Variants in PRR16 observed in about 807,000 individuals in gnomAD.
PRR16 encodes proline rich 16, also known as protein Largen.
PRR16 carries 6 observed loss-of-function variants against 18.2 expected under a neutral mutation model. The observed-to-expected ratio is 0.33, with a 90% CI of 0.18 to 0.65. The LOEUF is 0.65. PRR16 is among the 30% of genes least tolerant of loss of function. The pLI is 0.74. For synonymous variants in PRR16, 151 were observed against 147.8 expected (o/e 1.02, Z -0.16); for missense variants, 412 against 376.6 (o/e 1.09, Z -0.78).
chr5:120,673,582 A>G (rs935297301), intron 1 of PRR16, among the ~76,000 whole-genome samples: 2 of 152,180 alleles, frequency 1.3e-5, no homozygotes, highest in African/African-American at 4.8e-5. Context: ...GGAATTTTAT[A>G]TTTAGATATG....
chr5:120,695,914 T>C, the PRR16 span, among the ~76,000 whole-genome samples: 2 of 119,432 alleles, frequency 1.7e-5, no homozygotes, highest in African/African-American at 6.4e-5. Context: ...AAAAATCTTA[T>C]TCCAACATAT....
rs539886057 is a variant in PRR16 at position 120,508,963 on chromosome 5, G to T, written c.159+44318G>T. On this transcript the variant is annotated intron_variant, in intron 1 of 1. Transcript: ENST00000407149. ...TAACCTGTAACTTTTAGTTGGGTGA[G>T]GGGGGGGATAGTAAAGATAATTTGC... 5.9e-5 allele frequency among the ~76,000 whole-genome samples: 9 copies of T among 151,800 alleles called. No homozygotes were observed. The East Asian group carries it at 1.2e-3, about 20-fold the overall frequency.
At chr5:120,568,373 A>G (rs2112730354) in intron 1 of PRR16, among the ~76,000 whole-genome samples, 1 of 152,316 alleles carries the variant, frequency 6.6e-6, no homozygotes, top group Non-Finnish European at 1.5e-5. Flanking sequence ...TTATTACCCC[A>G]TGGAGCAAGA....
chr5:120,762,446 G>A, the PRR16 span, among the ~76,000 whole-genome samples: 21,872 of 151,952 alleles, frequency 0.14, 2,310 homozygotes, highest in African/African-American at 0.3. Flanking sequence ...GTTTTGATTT[G>A]CATTTTTGCA....
chr5:120,668,707 C>T (rs1756484201), intron 1 of PRR16, among the ~76,000 whole-genome samples: 1 of 152,104 alleles, frequency 6.6e-6, no homozygotes. Context: ...TTCTCCTTCA[C>T]TTATGAAGGT....
the PRR16 span, among the ~76,000 whole-genome samples, chr5:120,725,491 C>T: frequency 9.6e-4 from 146 of 151,716 alleles, no homozygotes; most frequent in Admixed American, 2.0e-3. Flanking sequence ...CCTCCATCTC[C>T]GCACAAAATT....
chr5:120,570,141 T>C (rs909643224), intron 1 of PRR16, among the ~76,000 whole-genome samples: 2 of 152,094 alleles, frequency 1.3e-5, no homozygotes, highest in Non-Finnish European at 2.9e-5. Context: ...ATGTGGTTGA[T>C]AAATTACATA....
chr5:120,554,327 T>C (rs1752345561), intron 1 of PRR16, among the ~76,000 whole-genome samples: 1 of 151,942 alleles, frequency 6.6e-6, no homozygotes, highest in South Asian at 2.1e-4. Context: ...GCAGAAATCA[T>C]GAACACATTT....
At chr5:120,735,870 T>C in the PRR16 span, among the ~76,000 whole-genome samples, 1 of 152,340 alleles carries the variant, frequency 6.6e-6, no homozygotes, top group South Asian at 2.1e-4. Flanking sequence ...GCCTGTGTTT[T>C]TGTGTTATTC....
At chr5:120,791,505 A>G in the PRR16 span, among the ~76,000 whole-genome samples, 1 of 151,354 alleles carries the variant, frequency 6.6e-6, no homozygotes, top group Admixed American at 6.6e-5. Flanking sequence ...TTAGAACATA[A>G]TAATTAGATT....
At chr5:120,519,786 T>C (rs1206132823) in intron 1 of PRR16, among the ~76,000 whole-genome samples, 1 of 152,112 alleles carries the variant, frequency 6.6e-6, no homozygotes, top group East Asian at 1.9e-4. Flanking sequence ...CCAGATATTT[T>C]GGGGGGCCCT....
At chr5:120,548,658 C>G (rs774845913) in intron 1 of PRR16, among the ~76,000 whole-genome samples, 12 of 151,864 alleles carry the variant, frequency 7.9e-5, no homozygotes, top group Non-Finnish European at 1.6e-4. Flanking sequence ...CTTTTGTTGT[C>G]CTGGAACTAT....
chr5:120,490,965 G>A (rs187517055), intron 1 of PRR16, among the ~76,000 whole-genome samples: 1 of 152,306 alleles, frequency 6.6e-6, no homozygotes, highest in Non-Finnish European at 1.5e-5. Context: ...CTGCACAACA[G>A]CGGATATTGG....
intron 1 of PRR16, among the ~76,000 whole-genome samples, chr5:120,507,253 C>A (rs1377795611): frequency 1.3e-5 from 2 of 152,020 alleles, no homozygotes; most frequent in Non-Finnish European, 2.9e-5. Context: ...AAGATTTCTA[C>A]CCTTTAAGGC....
the PRR16 span, among the ~76,000 whole-genome samples, chr5:120,703,148 G>A: frequency 1.3e-5 from 2 of 152,124 alleles, no homozygotes; most frequent in Non-Finnish European, 2.9e-5. Flanking sequence ...GTTCTCTGGC[G>A]GGCAGGAGTG....
intron 1 of PRR16, among the ~76,000 whole-genome samples, chr5:120,540,191 AT>A (rs1336126123): frequency 6.6e-6 from 1 of 151,996 alleles, no homozygotes; most frequent in Non-Finnish European, 1.5e-5. Flanking sequence ...TACACATTCC[AT>A]TTTTTTGTTC....
intron 1 of PRR16, among the ~76,000 whole-genome samples, chr5:120,539,174 T>G (rs548748822): frequency 1.6e-4 from 25 of 152,106 alleles, no homozygotes; most frequent in African/African-American, 5.5e-4. Flanking sequence ...ATATTTTCTT[T>G]TGAAGAATGC....
At chr5:120,562,430 A>G (rs942262047) in intron 1 of PRR16, among the ~76,000 whole-genome samples, 2 of 152,088 alleles carry the variant, frequency 1.3e-5, no homozygotes, top group African/African-American at 4.8e-5. Flanking sequence ...TTATATACAT[A>G]CAGTCACTCT....
At chr5:120,616,727 A>G (rs996275947) in intron 1 of PRR16, among the ~76,000 whole-genome samples, 1 of 152,292 alleles carries the variant, frequency 6.6e-6, no homozygotes, top group African/African-American at 2.4e-5. Flanking sequence ...CAAGACAAAA[A>G]CAATATTGAA....
Sources: allele counts gnomAD v4.1 joint callset (sites outside exome capture counted in the v4.1 genomes callset), GRCh38; gene constraint gnomAD v4.1.1; transcripts MANE v1.5; gene names NCBI Gene and HGNC (gene_info 2026-07-23, HGNC 2026-07-21).